Variants in SUSD1 observed in about 807,000 individuals in gnomAD.
SUSD1 encodes sushi domain-containing protein 1.
Under a neutral mutation model 86.9 loss-of-function variants are expected in SUSD1, and 65 were observed. That is an observed-to-expected ratio of 0.75 (90% CI 0.61 to 0.92). SUSD1 has a LOEUF of 0.92. SUSD1 is among the 40% of genes least tolerant of loss of function. SUSD1 has a pLI of 0.00. For synonymous variants in SUSD1, 346 were observed against 350.0 expected (o/e 0.99, Z 0.13); for missense variants, 850 against 929.7 (o/e 0.91, Z 1.11).
chr9:112,041,936 A>G lies in SUSD1; in HGVS notation c.2174T>C (p.Met725Thr), dbSNP rs924032203. 8 of 1,613,948 alleles carry G rather than the reference A, an allele frequency of 5.0e-6. No individual in the cohort carries two copies. Among genetic ancestry groups the G allele is most frequent in the African/African-American group, 4.0e-5 (3 of 74,926 alleles). The change falls in exon 16 of 17, where the codon ATG (methionine) becomes ACG (threonine). Residue 725 changes from methionine (M) to threonine (T), a missense_variant. Transcript: ENST00000374270. ...CAGGGAACCCAGTCCAACACCCGCC[A>G]TCTGCAGCAGCATGAGTGACGAATC... is the stretch of plus-strand genomic sequence containing the variant. ...VKDSSLMLLQ[M>T]AGVGLGSLAV...
rs1828565545 is a variant in SUSD1 at position 112,058,684 on chromosome 9, GA to G, written c.1852del (p.Ser618HisfsTer5). ...KAKEKNGPIS[S>X]YQVLVLPLAL... ...CAGGGGAAGCACTAACACCTGATAT[GA>G]ACTGGAAGAAAAAAGGAGAAGTGTC... On this transcript the variant is annotated frameshift_variant and splice_region_variant, in exon 14 of 17. Transcript: ENST00000374270. LOFTEE classifies it high-confidence loss of function. The G allele has an allele frequency of 6.2e-7, 1 of 1,613,240 alleles. No individual in the cohort carries two copies. Among genetic ancestry groups the G allele is most frequent in the Non-Finnish European group, 8.5e-7 (1 of 1,179,700 alleles).
intron 5 of SUSD1, among the ~76,000 whole-genome samples, chr9:112,135,910 G>A (rs1025750069): frequency 9.2e-5 from 14 of 152,220 alleles, no homozygotes; most frequent in Non-Finnish European, 1.5e-4. Context: ...CTGGAGTTTA[G>A]AGAGGTTCAG....
chr9:112,111,670 G>A lies in SUSD1; in HGVS notation c.1155C>T (p.Ile385=), dbSNP rs1188103507. 4.3e-6 allele frequency: 7 copies of A among 1,613,580 alleles called. No individual in the cohort carries two copies. Among genetic ancestry groups the A allele is most frequent in the Non-Finnish European group, 5.9e-6 (7 of 1,179,854 alleles). ...TCCACCTACCAGCTGTCTGGAAACC[G>A]ATGACGGCTGGCATCGAGCGCCTGG... ...APPRRSMPAV[I]GFQTAEVDLL... The change falls in exon 8 of 17, where the codon ATC becomes ATT. Residue 385 remains isoleucine, a synonymous_variant. Coordinates refer to ENST00000374270, the MANE Select transcript of SUSD1 (RefSeq NM_022486.5).
chr9:112,057,597 T>C (rs1413768365), intron 14 of SUSD1, among the ~76,000 whole-genome samples: 2 of 152,246 alleles, frequency 1.3e-5, no homozygotes, highest in Non-Finnish European at 2.9e-5. Context: ...TACTTGAACA[T>C]TCTTACAAGT....
intron 10 of SUSD1, among the ~76,000 whole-genome samples, chr9:112,091,728 C>A (rs1270796998): frequency 6.6e-6 from 1 of 152,158 alleles, no homozygotes; most frequent in Admixed American, 6.5e-5. Flanking sequence ...ATAGTGGTAT[C>A]ATCTTAGTTA....
In SUSD1 at chr9:112,102,289, A is replaced by C; in HGVS notation, c.1172-4T>G. On this transcript the variant is annotated splice_region_variant and splice_polypyrimidine_tract_variant and intron_variant, in intron 8 of 16. Coordinates refer to ENST00000374270, the MANE Select transcript of SUSD1 (RefSeq NM_022486.5). ...TCATCTTCTAAGAGATCAACTTCTA[A>C]AAGACAAGAGAGAGAGTTATAGACA... The C allele has an allele frequency of 2.0e-6, 3 of 1,509,348 alleles. No homozygotes were observed. Among genetic ancestry groups the C allele is most frequent in the Non-Finnish European group, 2.7e-6 (3 of 1,099,872 alleles). 93.5% of individuals were successfully genotyped at this position (1,509,348 alleles called of 1,614,324 possible). A position where few individuals can be genotyped will look rare whatever the true frequency, so the allele number is the denominator to read the frequency against.
chr9:112,054,880 A>G (rs752479840), intron 14 of SUSD1, among the ~76,000 whole-genome samples: 3 of 152,236 alleles, frequency 2.0e-5, no homozygotes, highest in Admixed American at 2.0e-4. Flanking sequence ...GACACTATGT[A>G]TAGTAAAAGT....
chr9:112,065,894 C>T (rs762744227), intron 12 of SUSD1, among the ~76,000 whole-genome samples: 1 of 152,170 alleles, frequency 6.6e-6, no homozygotes. Context: ...ACACAGCAGC[C>T]GTCAGCGCCT....
chr9:112,124,360 C>T lies in SUSD1; in HGVS notation c.783G>A (p.Val261=). 3 of 1,614,174 alleles carry T rather than the reference C, an allele frequency of 1.9e-6. No homozygotes were observed. The highest frequency in any genetic ancestry group is 2.5e-6 in the Non-Finnish European group (3 of 1,180,004). The change falls in exon 6 of 17, where the codon GTG becomes GTA. Residue 261 remains valine (V), a synonymous_variant. Transcript: ENST00000374270. ...VGNHSSRLGG[V]ARYVCQEGFE... is the part of the protein sequence containing the mutation. ...AGCCCTCTTGACAGACATAGCGAGC[C>T]ACACCGCCCAGCCTGGAGCTGTGAT...
intron 1 of SUSD1, among the ~76,000 whole-genome samples, chr9:112,165,942 G>GAAGAAAAAGAAAGAAAGAAAGA (rs1833794595): frequency 1.4e-5 from 1 of 71,912 alleles, no homozygotes. Context: ...AAGAAAGAAA[G>GAAGAAAAAGAAAGAAAGAAAGA]AAGAAAGAAA....
At position 112,143,457 on chromosome 9, in the gene SUSD1, T is replaced by G. The variant is rs748625266; in HGVS notation, c.526+14A>C. 3 of 1,610,042 alleles carry G rather than the reference T, an allele frequency of 1.9e-6. No individual in the cohort carries two copies. Among genetic ancestry groups the G allele is most frequent in the Non-Finnish European group, 2.5e-6 (3 of 1,178,392 alleles). On this transcript the variant is annotated intron_variant, in intron 4 of 16. Transcript: ENST00000374270. ...TTTCACGTTGAGATGCCGCAATTTT[T>G]GGCAGAAACCCACCTGTGCATGATG...
At chr9:112,159,475 G>A (rs866887023) in intron 1 of SUSD1, among the ~76,000 whole-genome samples, 2 of 152,160 alleles carry the variant, frequency 1.3e-5, no homozygotes, top group Middle Eastern at 3.4e-3. Flanking sequence ...AATTAACCAT[G>A]GAATATTTCC....
At chr9:112,056,040 C>T (rs1828434112) in intron 14 of SUSD1, among the ~76,000 whole-genome samples, 1 of 152,102 alleles carries the variant, frequency 6.6e-6, no homozygotes, top group Non-Finnish European at 1.5e-5. Context: ...GTGGGAGGAT[C>T]ACTTGAGCCT....
chr9:112,126,353 G>A (rs1831772012), intron 5 of SUSD1, among the ~76,000 whole-genome samples: 1 of 152,152 alleles, frequency 6.6e-6, no homozygotes, highest in African/African-American at 2.4e-5. Context: ...GTACAAAAGG[G>A]ATAAAAGTAC....
chr9:112,082,912 GA>G (rs1271695328), intron 10 of SUSD1, among the ~76,000 whole-genome samples: 3 of 151,830 alleles, frequency 2.0e-5, no homozygotes, highest in African/African-American at 7.3e-5. Flanking sequence ...TTTTTTTGTA[GA>G]GACAGGGTTT....
At chr9:112,146,701 C>A (rs957320305) in intron 3 of SUSD1, among the ~76,000 whole-genome samples, 2 of 152,038 alleles carry the variant, frequency 1.3e-5, no homozygotes, top group African/African-American at 4.8e-5. Flanking sequence ...AATGGCACAA[C>A]CTTGGCTCAC....
intron 14 of SUSD1, among the ~76,000 whole-genome samples, chr9:112,058,223 A>G (rs111433391): frequency 1.3e-5 from 2 of 152,228 alleles, no homozygotes; most frequent in Non-Finnish European, 1.5e-5. Flanking sequence ...ATGTTGATTC[A>G]GCAAGGTCCC....
At chr9:112,089,901 G>A (rs998655222) in intron 10 of SUSD1, among the ~76,000 whole-genome samples, 1 of 151,896 alleles carries the variant, frequency 6.6e-6, no homozygotes, top group Non-Finnish European at 1.5e-5. Context: ...TCTATAAAGG[G>A]CCAGATAAGT....
At chr9:112,137,127 A>G (rs1237795527) in intron 5 of SUSD1, among the ~76,000 whole-genome samples, 1 of 152,154 alleles carries the variant, frequency 6.6e-6, no homozygotes, top group Non-Finnish European at 1.5e-5. Context: ...AATAATACCA[A>G]TCTATAAAAC....
Sources: allele counts gnomAD v4.1 joint callset (sites outside exome capture counted in the v4.1 genomes callset), GRCh38; gene constraint gnomAD v4.1.1; transcripts MANE v1.5; gene names NCBI Gene and HGNC (gene_info 2026-07-23, HGNC 2026-07-21).